SAMD4A: variants seen among roughly 807,000 people sequenced by gnomAD.
SAMD4A encodes protein Smaug homolog 1.
A neutral mutation model predicts 81.3 loss-of-function variants in SAMD4A; 33 were observed. That is an observed-to-expected ratio of 0.41 (90% CI 0.31 to 0.54). SAMD4A has a LOEUF of 0.54. Ranked by LOEUF, SAMD4A falls within the 20% of genes least tolerant of loss-of-function variation. The pLI is 0.37. For synonymous variants in SAMD4A, 389 were observed against 382.1 expected, an observed-to-expected ratio of 1.02 and a Z score of -0.21; for missense variants, 854 against 951.1, an observed-to-expected ratio of 0.90 and a Z score of 1.34.
intron 1 of SAMD4A, 71 bp from the exon 2 acceptor site, chr14:54,567,425 A>C: frequency 6.3e-6 from 1 of 158,504 alleles, no homozygotes; most frequent in South Asian, 1.7e-4. Context: ...GCACCCTCTG[A>C]TGCCCTCGTC....
At chr14:54,742,119 G>C (rs551378470) in intron 4 of SAMD4A, among the ~76,000 whole-genome samples, 1 of 152,176 alleles carries the variant, frequency 6.6e-6, no homozygotes, top group East Asian at 1.9e-4. Context: ...TTCAGTAATT[G>C]AGGGGGAAAA....
At chr14:54,788,039 A>G (rs2039184475) in intron 12 of SAMD4A, among the ~76,000 whole-genome samples, 2 of 151,986 alleles carry the variant, frequency 1.3e-5, no homozygotes, top group South Asian at 4.1e-4. Flanking sequence ...TGGGTCATCC[A>G]CTTCTCCAAA....
In SAMD4A at chr14:54,636,705, A is replaced by T. The variant is rs538889812; in HGVS notation, c.197-65357A>T. 7.9e-5 allele frequency among the ~76,000 whole-genome samples: 12 copies of T among 152,184 alleles called. No individual in the cohort carries two copies. The East Asian group carries it at 2.3e-3, about 29-fold the overall frequency. ...ACAACAGAATTTCCTGGCAGATTGGATATAGGGTGAGAGAGAAAGAGAGGA... is the reference window on the plus strand; with the variant it reads ...ACAACAGAATTTCCTGGCAGATTGGTTATAGGGTGAGAGAGAAAGAGAGGA... On this transcript the variant is annotated intron_variant, in intron 2 of 12. Coordinates refer to ENST00000554335, the MANE Select transcript of SAMD4A (RefSeq NM_015589.6).
chr14:54,569,106 G>A (rs1269275342), intron 2 of SAMD4A, among the ~76,000 whole-genome samples: 1 of 152,066 alleles, frequency 6.6e-6, no homozygotes, highest in Non-Finnish European at 1.5e-5. Flanking sequence ...GGTGAACAGA[G>A]TCCCCAGTGT....
At chr14:54,577,002 G>A (rs985258372) in intron 2 of SAMD4A, among the ~76,000 whole-genome samples, 7 of 152,212 alleles carry the variant, frequency 4.6e-5, no homozygotes, top group African/African-American at 1.7e-4. Context: ...CTGATCCCAG[G>A]CAACAGGAGA....
At position 54,626,059 on chromosome 14, in the gene SAMD4A, T is replaced by TGCGCGCGCGC. The variant is rs113491666; in HGVS notation, c.196+57955_196+57964dup. ...GTGTGTGTGTGTGTGTGTGTGTGTGTGCGCGCGCGCGCGCGCGAGTGCGCA... is the reference window on the plus strand; with the variant it reads ...GTGTGTGTGTGTGTGTGTGTGTGTGTGCGCGCGCGCGCGCGCGCGCGCGCGCGAGTGCGCA... On this transcript the variant is annotated intron_variant, in intron 2 of 12. Coordinates refer to ENST00000554335, the MANE Select transcript of SAMD4A (RefSeq NM_015589.6). Among the ~76,000 whole-genome samples the TGCGCGCGCGC allele has an allele frequency of 1.1e-3, 116 of 102,088 alleles. 1 individual carries two copies. Among genetic ancestry groups the TGCGCGCGCGC allele is most frequent in the Non-Finnish European group, 1.7e-3 (83 of 49,750 alleles). The allele number at this position is 102,088 out of a possible 152,430, so 67.0% of individuals were successfully genotyped here.
At chr14:54,694,828 G>C in intron 2 of SAMD4A, 1 of 985,496 alleles carries the variant, frequency 1.0e-6, no homozygotes, top group Non-Finnish European at 1.2e-6. Flanking sequence ...GAGTAAAGGA[G>C]CAGTCCTGGA....
intron 2 of SAMD4A, among the ~76,000 whole-genome samples, chr14:54,683,905 A>G (rs1256684709): frequency 6.6e-6 from 1 of 152,174 alleles, no homozygotes; most frequent in Non-Finnish European, 1.5e-5. Flanking sequence ...GAGTTTTCAA[A>G]CCCCATCATT....
At chr14:54,633,242 C>A (rs1298043557) in intron 2 of SAMD4A, among the ~76,000 whole-genome samples, 2 of 152,122 alleles carry the variant, frequency 1.3e-5, no homozygotes, top group Admixed American at 1.3e-4. Context: ...TGAAACCGAG[C>A]CAGCCACGTA....
intron 2 of SAMD4A, among the ~76,000 whole-genome samples, chr14:54,643,102 G>C (rs1253939138): frequency 6.6e-6 from 1 of 152,240 alleles, no homozygotes; most frequent in Non-Finnish European, 1.5e-5. Flanking sequence ...CAAGGCAGGA[G>C]GGGGAAAGTC....
chr14:54,769,238 A>G (rs1258216196), intron 8 of SAMD4A, among the ~76,000 whole-genome samples: 1 of 152,190 alleles, frequency 6.6e-6, no homozygotes, highest in Non-Finnish European at 1.5e-5. Context: ...CTCTCTAGAC[A>G]TCCCCTTCAG....
At chr14:54,663,499 G>T (rs1021795843) in intron 2 of SAMD4A, among the ~76,000 whole-genome samples, 10 of 152,192 alleles carry the variant, frequency 6.6e-5, no homozygotes, top group Non-Finnish European at 1.5e-4. Context: ...CGTCAGGTAA[G>T]TATACATTCT....
intron 7 of SAMD4A, among the ~76,000 whole-genome samples, chr14:54,761,846 A>G (rs1303528021): frequency 1.3e-5 from 2 of 152,060 alleles, no homozygotes; most frequent in East Asian, 3.9e-4. Flanking sequence ...CACCTGCCCC[A>G]CGTCCCCCTT....
At chr14:54,590,547 G>A (rs1180722350) in intron 2 of SAMD4A, among the ~76,000 whole-genome samples, 1 of 152,212 alleles carries the variant, frequency 6.6e-6, no homozygotes. Context: ...GGAAGATGCT[G>A]TGTAGGCAGC....
At chr14:54,782,333 G>GT (rs560362758) in intron 11 of SAMD4A, among the ~76,000 whole-genome samples, 4,594 of 143,234 alleles carry the variant, frequency 0.032, 131 homozygotes, top group African/African-American at 0.077. Flanking sequence ...GCTGAGGTTT[G>GT]TTTTTTTTTT....
At chr14:54,741,392 C>A (rs982193559) in intron 4 of SAMD4A, among the ~76,000 whole-genome samples, 2 of 152,212 alleles carry the variant, frequency 1.3e-5, no homozygotes, top group African/African-American at 4.8e-5. Context: ...TAAGACTTAA[C>A]AAAATGCCAC....
chr14:54,690,471 A>G (rs2036404785), intron 2 of SAMD4A, among the ~76,000 whole-genome samples: 1 of 151,430 alleles, frequency 6.6e-6, no homozygotes, highest in Non-Finnish European at 1.5e-5. Flanking sequence ...TCCTGGCTGG[A>G]GGGCCTAGGA....
chr14:54,760,638 A>G, intron 7 of SAMD4A, 144 bp downstream of exon 7: 1 of 1,311,988 alleles, frequency 7.6e-7, no homozygotes, highest in Non-Finnish European at 9.7e-7. Context: ...GGGAAAGTGC[A>G]GTTCAGAGAG....
chr14:54,659,465 G>T (rs1430448538), intron 2 of SAMD4A, among the ~76,000 whole-genome samples: 1 of 151,962 alleles, frequency 6.6e-6, no homozygotes, highest in Non-Finnish European at 1.5e-5. Flanking sequence ...TCGCAGTGTG[G>T]GTTTTTTGTT....
Sources: allele counts gnomAD v4.1 joint callset (sites outside exome capture counted in the v4.1 genomes callset), GRCh38; gene constraint gnomAD v4.1.1; transcripts MANE v1.5; gene names NCBI Gene and HGNC (gene_info 2026-07-23, HGNC 2026-07-21).